MGA: variants seen among roughly 807,000 people sequenced by gnomAD.
MGA encodes the protein MAX gene-associated protein.
Under a neutral mutation model 261.1 loss-of-function variants are expected in MGA, and 40 were observed. The ratio of observed to expected loss-of-function variants is 0.15; its 90% confidence interval spans 0.12 to 0.20. MGA has a LOEUF of 0.20. MGA is among the 10% of genes least tolerant of loss of function. The probability of loss-of-function intolerance (pLI) is 1.00; values close to 1 mark genes in which losing one functional copy is unlikely to be tolerated. For missense variants in MGA, 3,397 were observed against 3,630.5 expected (o/e 0.94, Z 1.65); for synonymous variants, 1,302 against 1,290.6 (o/e 1.01, Z -0.19).
intron 5 of MGA, among the ~76,000 whole-genome samples, chr15:41,702,636 G>A (rs1030699931): frequency 6.6e-6 from 1 of 152,144 alleles, no homozygotes; most frequent in African/African-American, 2.4e-5. Flanking sequence ...TGTTGATTAA[G>A]CCTGGGAAAA....
chr15:41,629,105 CAAAAAAAA>C (rs71108108), intron 1 of MGA, among the ~76,000 whole-genome samples: 9 of 78,078 alleles, frequency 1.2e-4, no homozygotes, highest in Non-Finnish European at 2.0e-4. Flanking sequence ...GACTTCGTCT[CAAAAAAAA>C]AAAAAAAAAA....
At chr15:41,747,026 C>T (rs1049424879) in intron 15 of MGA, among the ~76,000 whole-genome samples, 2 of 150,116 alleles carry the variant, frequency 1.3e-5, no homozygotes, top group Admixed American at 6.6e-5. Flanking sequence ...TTTAGTATTT[C>T]GAAATATGTC....
At chr15:41,665,948 C>T (rs1486017865) in intron 1 of MGA, among the ~76,000 whole-genome samples, 5 of 151,988 alleles carry the variant, frequency 3.3e-5, no homozygotes, top group Admixed American at 2.0e-4. Context: ...CGGGGTCTCA[C>T]TCTGTCTCCT....
At chr15:41,710,224 T>A (rs2060320955) in intron 7 of MGA, among the ~76,000 whole-genome samples, 1 of 152,210 alleles carries the variant, frequency 6.6e-6, no homozygotes, top group Non-Finnish European at 1.5e-5. Context: ...TAGCACTTTG[T>A]AAGAATTAGT....
At chr15:41,686,624 G>A (rs1377097467) in intron 2 of MGA, among the ~76,000 whole-genome samples, 2 of 152,072 alleles carry the variant, frequency 1.3e-5, no homozygotes, top group African/African-American at 4.8e-5. Flanking sequence ...TAGTTTTTGT[G>A]TAGTGCTCTT....
intron 9 of MGA, among the ~76,000 whole-genome samples, chr15:41,714,286 A>G (rs899429385): frequency 9.9e-5 from 15 of 152,168 alleles, no homozygotes; most frequent in African/African-American, 3.6e-4. Context: ...TTGTAGATCT[A>G]ATTTTATAAT....
intron 5 of MGA, among the ~76,000 whole-genome samples, chr15:41,704,815 A>G (rs2060025843): frequency 6.6e-6 from 1 of 152,122 alleles, no homozygotes; most frequent in African/African-American, 2.4e-5. Context: ...AGCAGTTGGC[A>G]TTTTTGGCTA....
chr15:41,734,743 A>T (rs2061682272), intron 12 of MGA, 149 bp downstream of exon 12: 2 of 611,796 alleles, frequency 3.3e-6, no homozygotes, highest in Admixed American at 3.7e-5. Context: ...AATAAGTAAA[A>T]GTTTTTTTTC....
intron 14 of MGA, among the ~76,000 whole-genome samples, chr15:41,742,281 G>C (rs1265776090): frequency 3.3e-5 from 5 of 151,816 alleles, no homozygotes; most frequent in Non-Finnish European, 5.9e-5. Context: ...CCAGCTACTC[G>C]GGAAGGCTGA....
At chr15:41,656,377 T>TCTCTCTCTCTATCTCTCTCACA (rs1555403733), upstream of MGA, among the ~76,000 whole-genome samples, 1 of 68,276 alleles carries the variant, frequency 1.5e-5, no homozygotes, top group Non-Finnish European at 3.5e-5. Context: ...TCTCTCTCTC[T>TCTCTCTCTCTATCTCTCTCACA]CACACCCAGG....
In MGA at chr15:41,649,972, C is replaced by T. The variant is rs1053921680; in HGVS notation, c.-67-18856C>T. 1.7e-4 allele frequency among the ~76,000 whole-genome samples: 26 copies of T among 152,084 alleles called. 1 individual carries two copies. The highest frequency in any genetic ancestry group is 3.6e-4 in the African/African-American group (15 of 41,406). On this transcript the variant is annotated intron_variant, in intron 1 of 8. Coordinates refer to the MGA transcript ENST00000566718. ...CTGGGATTACAGGCGTGAGCCACCGCGCCCAGCCTTCCACACCACTTTGGT... is the reference window on the plus strand; with the variant it reads ...CTGGGATTACAGGCGTGAGCCACCGTGCCCAGCCTTCCACACCACTTTGGT...
chr15:41,762,036 GGAATATAGTTAAAGCAACTA>G, intron 21 of MGA, 73 bp from the exon 22 acceptor site: 1 of 1,145,168 alleles, frequency 8.7e-7, no homozygotes, highest in Non-Finnish European at 1.2e-6. Flanking sequence ...ATAGTTTTTG[GGAATATAGTTAAAGCAACTA>G]GATTTCTGTT....
chr15:41,716,574 G>T (rs1297110031), intron 9 of MGA, among the ~76,000 whole-genome samples: 1 of 151,932 alleles, frequency 6.6e-6, no homozygotes, highest in Non-Finnish European at 1.5e-5. Flanking sequence ...AATGGACAAA[G>T]AAAAAATATA....
intron 2 of MGA, among the ~76,000 whole-genome samples, chr15:41,689,499 G>A (rs189909671): frequency 4.0e-5 from 6 of 149,120 alleles, no homozygotes; most frequent in South Asian, 4.3e-4. Context: ...TTATATTTAC[G>A]TATTTATTTA....
chr15:41,703,465 T>C (rs2059960115), intron 5 of MGA, among the ~76,000 whole-genome samples: 1 of 150,032 alleles, frequency 6.7e-6, no homozygotes, highest in African/African-American at 2.4e-5. Flanking sequence ...CAAGAAGTTA[T>C]ATTGTACCTC....
chr15:41,738,931 A>T (rs1296822835), intron 13 of MGA, among the ~76,000 whole-genome samples: 2 of 152,190 alleles, frequency 1.3e-5, no homozygotes, highest in African/African-American at 4.8e-5. Context: ...GTCTCTGAAG[A>T]TGGAGTTGCT....
intron 1 of MGA, among the ~76,000 whole-genome samples, chr15:41,645,802 T>C (rs1050342187): frequency 3.9e-5 from 6 of 152,212 alleles, no homozygotes; most frequent in Non-Finnish European, 8.8e-5. Context: ...ACATCTCTCA[T>C]ACTGTTTTAA....
intron 9 of MGA, 80 bp downstream of exon 9, chr15:41,713,576 C>CGGCCGGGCGCGG: frequency 2.1e-6 from 3 of 1,399,264 alleles, no homozygotes; most frequent in South Asian, 1.5e-5. Flanking sequence ...TACAACCTAC[C>CGGCCGGGCGCGG]TTAATCCCGA....
intron 7 of MGA, among the ~76,000 whole-genome samples, chr15:41,709,393 G>T (rs897945376): frequency 6.6e-6 from 1 of 152,038 alleles, no homozygotes; most frequent in African/African-American, 2.4e-5. Context: ...GCCTCTTCTT[G>T]TGGTCTTCCT....
Sources: gnomAD v4.1 joint callset for allele counts (sites outside exome capture counted in the v4.1 genomes callset) on GRCh38, gnomAD v4.1.1 for gene constraint, MANE v1.5 for transcripts, NCBI Gene and HGNC (gene_info 2026-07-23, HGNC 2026-07-21) for gene names.